Variants in PTPRQ observed in about 807,000 individuals in gnomAD.
PTPRQ encodes the protein protein tyrosine phosphatase receptor type Q.
A neutral mutation model predicts 246.0 loss-of-function variants in PTPRQ; 199 were observed. That is an observed-to-expected ratio of 0.81 (90% CI 0.72 to 0.91). The LOEUF is 0.91. Among genes scored for constraint, PTPRQ ranks in the 40% least tolerant of loss-of-function variants. PTPRQ has a pLI of 0.00. For synonymous variants in PTPRQ, 869 were observed against 853.2 expected (o/e 1.02, Z -0.32); for missense variants, 2,624 against 2,528.4 (o/e 1.04, Z -0.81).
chr12:80,497,755 C>T (rs1342661685), intron 14 of PTPRQ, among the ~76,000 whole-genome samples: 2 of 151,980 alleles, frequency 1.3e-5, no homozygotes, highest in African/African-American at 4.8e-5. Flanking sequence ...GAATTAATAA[C>T]TAAATATAAA....
At chr12:80,527,921 C>T (rs2120782570) in intron 17 of PTPRQ, among the ~76,000 whole-genome samples, 1 of 152,190 alleles carries the variant, frequency 6.6e-6, no homozygotes, top group East Asian at 1.9e-4. Flanking sequence ...TGGTGAGACC[C>T]CATCTCTAGA....
chr12:80,474,464 T>C (rs569812443), intron 8 of PTPRQ, among the ~76,000 whole-genome samples: 1 of 152,210 alleles, frequency 6.6e-6, no homozygotes, highest in African/African-American at 2.4e-5. Flanking sequence ...TACAGTGGAG[T>C]TGATTTCATT....
chr12:80,519,568 C>T (rs545098628), intron 17 of PTPRQ, among the ~76,000 whole-genome samples: 5 of 152,000 alleles, frequency 3.3e-5, no homozygotes, highest in African/African-American at 1.2e-4. Flanking sequence ...GAGCTTTATG[C>T]GGAAAGGGTT....
rs182805460 is a variant in PTPRQ, at chr12:80,540,184, C to T, written c.3154+240C>T. Among the ~76,000 whole-genome samples, 73 of 152,106 alleles carry T rather than the reference C, an allele frequency of 4.8e-4. No homozygotes were observed. In the East Asian group the frequency reaches 0.011, roughly 23 times the overall value. Reference sequence around the variant, plus strand: ...TTCTTTTTATTGCTTCAAAAGATGTCGTGGCCATCCAGTTATGGGCACAAA... The same window carrying T: ...TTCTTTTTATTGCTTCAAAAGATGTTGTGGCCATCCAGTTATGGGCACAAA... On this transcript the variant is annotated intron_variant, in intron 20 of 44. Transcript: ENST00000644991.
chr12:80,477,629 CT>C (rs1340650099), intron 8 of PTPRQ, among the ~76,000 whole-genome samples: 4 of 152,156 alleles, frequency 2.6e-5, no homozygotes, highest in Non-Finnish European at 5.9e-5. Flanking sequence ...CCGGGTTCAT[CT>C]CACTAGGGCC....
intron 16 of PTPRQ, among the ~76,000 whole-genome samples, chr12:80,508,945 T>A (rs1339702787): frequency 6.6e-6 from 1 of 152,094 alleles, no homozygotes; most frequent in Non-Finnish European, 1.5e-5. Flanking sequence ...TCTAAGTTAC[T>A]GCTATTTTTA....
At chr12:80,464,219 C>T (rs1356837918) in intron 6 of PTPRQ, among the ~76,000 whole-genome samples, 2 of 143,658 alleles carry the variant, frequency 1.4e-5, no homozygotes, top group South Asian at 2.3e-4. Flanking sequence ...GGTTGCAATC[C>T]TAGTCTCTGA....
intron 14 of PTPRQ, among the ~76,000 whole-genome samples, chr12:80,501,638 A>G (rs913964821): frequency 6.6e-6 from 1 of 152,008 alleles, no homozygotes; most frequent in African/African-American, 2.4e-5. Context: ...GCTTACAGCT[A>G]TGTCGTGGGC....
chr12:80,498,880 A>C (rs1894709567), intron 14 of PTPRQ, among the ~76,000 whole-genome samples: 1 of 139,928 alleles, frequency 7.1e-6, no homozygotes, highest in Non-Finnish European at 1.5e-5. Context: ...CATGCACATA[A>C]TCTTTTACTT....
chr12:80,508,773 T>C (rs1895040712), intron 16 of PTPRQ, among the ~76,000 whole-genome samples: 1 of 152,080 alleles, frequency 6.6e-6, no homozygotes, highest in African/African-American at 2.4e-5. Context: ...ATAGACATGT[T>C]AATTACGTTT....
intron 3 of PTPRQ, among the ~76,000 whole-genome samples, chr12:80,449,694 G>A (rs972709273): frequency 4.0e-5 from 6 of 151,892 alleles, no homozygotes; most frequent in Non-Finnish European, 7.4e-5. Context: ...GTAGATATGC[G>A]GCATGATTTC....
intron 7 of PTPRQ, among the ~76,000 whole-genome samples, chr12:80,469,274 TCTG>T (rs1893548146): frequency 6.6e-6 from 1 of 152,182 alleles, no homozygotes; most frequent in Middle Eastern, 3.2e-3. Context: ...CTCTGTATCT[TCTG>T]CTCTATTTTG....
intron 26 of PTPRQ, among the ~76,000 whole-genome samples, chr12:80,591,613 T>G (rs1897805693): frequency 6.6e-6 from 1 of 152,188 alleles, no homozygotes; most frequent in Non-Finnish European, 1.5e-5. Context: ...AAAATTCAGT[T>G]TACTTTGGGG....
rs532332854 is a variant in PTPRQ, at chr12:80,645,397, A to C, written c.5916-3500A>C. Among the ~76,000 whole-genome samples the C allele has an allele frequency of 2.6e-5, 4 of 152,160 alleles. No individual in the cohort carries two copies. The South Asian group carries it at 8.3e-4, about 32-fold the overall frequency. On this transcript the variant is annotated intron_variant, in intron 35 of 44. Coordinates refer to ENST00000644991, the MANE Select transcript of PTPRQ (RefSeq NM_001145026.2). The stretch of plus-strand genomic sequence containing the variant: ...AGTTTCTTAATAATTTAGTGTGAAA[A>C]TGTATTCAATTCAGATATTCCCTCA...
At chr12:80,607,132 T>C (rs1191046380) in intron 27 of PTPRQ, among the ~76,000 whole-genome samples, 1 of 150,920 alleles carries the variant, frequency 6.6e-6, no homozygotes, top group African/African-American at 2.4e-5. Flanking sequence ...CTATTCATTA[T>C]CTTATTATAT....
chr12:80,557,934 A>G (rs1254787429), intron 25 of PTPRQ, among the ~76,000 whole-genome samples: 1 of 151,932 alleles, frequency 6.6e-6, no homozygotes, highest in Non-Finnish European at 1.5e-5. Flanking sequence ...TAATTTTTTC[A>G]TTTTAACAAT....
At chr12:80,455,592 T>C (rs750379333) in intron 3 of PTPRQ, among the ~76,000 whole-genome samples, 17 of 57,328 alleles carry the variant, frequency 3.0e-4, no homozygotes, top group African/African-American at 4.0e-4. Context: ...CTTTACATAG[T>C]TGTTTTTTTT....
Position 80,678,737 on chromosome 12 carries a change from C to A in PTPRQ, c.6862+12C>A, listed in dbSNP as rs1396428506. ...GGACGCCATGGAAGGTAAACAGAAA[C>A]AACAGTATATGCCCAGCTTACTAGT... On this transcript the variant is annotated intron_variant, in intron 44 of 44. Coordinates refer to ENST00000644991, the MANE Select transcript of PTPRQ (RefSeq NM_001145026.2). 7 of 1,545,590 alleles carry A rather than the reference C, an allele frequency of 4.5e-6. No homozygotes were observed. Among genetic ancestry groups the A allele is most frequent in the Middle Eastern group, 1.7e-4 (1 of 5,962 alleles).
intron 25 of PTPRQ, among the ~76,000 whole-genome samples, chr12:80,587,134 C>T (rs1897646869): frequency 6.6e-6 from 1 of 152,036 alleles, no homozygotes; most frequent in African/African-American, 2.4e-5. Context: ...GTATTTTCAG[C>T]ACCTATAATC....
Sources: allele counts gnomAD v4.1 joint callset (sites outside exome capture counted in the v4.1 genomes callset), GRCh38; gene constraint gnomAD v4.1.1; transcripts MANE v1.5; gene names NCBI Gene and HGNC (gene_info 2026-07-23, HGNC 2026-07-21).